Variants in ZC3H13 observed in about 807,000 individuals in gnomAD.
ZC3H13 encodes the protein zinc finger CCCH domain-containing protein 13.
Under a neutral mutation model 204.1 loss-of-function variants are expected in ZC3H13, and 64 were observed. The ratio of observed to expected loss-of-function variants is 0.31; its 90% CI spans 0.26 to 0.39. ZC3H13 has a LOEUF of 0.39. Among genes scored for constraint, ZC3H13 ranks in the 10% least tolerant of loss-of-function variants. The pLI, the probability that ZC3H13 is intolerant of heterozygous loss-of-function variation, is 1.00. For missense variants in ZC3H13, 1,833 were observed against 2,082.7 expected, an observed-to-expected ratio of 0.88 and a Z score of 2.33; for synonymous variants, 667 against 693.7, an observed-to-expected ratio of 0.96 and a Z score of 0.60.
At chr13:45,984,514 G>GT (rs1039662966) in intron 10 of ZC3H13, among the ~76,000 whole-genome samples, 8 of 152,146 alleles carry the variant, frequency 5.3e-5, no homozygotes, top group South Asian at 4.1e-4. Flanking sequence ...AAATCCAACA[G>GT]TTTTTTTATG....
At chr13:45,986,846 G>T (rs76202458) in intron 9 of ZC3H13, among the ~76,000 whole-genome samples, 57 of 152,224 alleles carry the variant, frequency 3.7e-4, no homozygotes, top group African/African-American at 1.3e-3. Flanking sequence ...TAGGCCCACA[G>T]ACTTTCTCAT....
intron 10 of ZC3H13, among the ~76,000 whole-genome samples, chr13:45,980,647 T>C (rs1203179627): frequency 6.6e-6 from 1 of 152,174 alleles, no homozygotes; most frequent in Non-Finnish European, 1.5e-5. Flanking sequence ...GAAAAAATTA[T>C]GCTGAGTGAA....
At chr13:46,049,055 G>A (rs1187337036) in intron 1 of ZC3H13, among the ~76,000 whole-genome samples, 1 of 151,886 alleles carries the variant, frequency 6.6e-6, no homozygotes, top group Non-Finnish European at 1.5e-5. Context: ...GGGAAGCTGA[G>A]GCAGGAGAAT....
At chr13:46,012,728 T>C (rs1190375423) in intron 5 of ZC3H13, among the ~76,000 whole-genome samples, 1 of 152,164 alleles carries the variant, frequency 6.6e-6, no homozygotes, top group Non-Finnish European at 1.5e-5. Context: ...TACTAAATAT[T>C]TAATTAAGGG....
Position 46,014,438 on chromosome 13 carries a change from A to G in ZC3H13, c.449-2884T>C, listed in dbSNP as rs1414768399. 2.0e-5 allele frequency among the ~76,000 whole-genome samples: 3 copies of G among 152,216 alleles called. No homozygotes were observed. The East Asian group carries it at 5.8e-4, about 29-fold the overall frequency. The stretch of plus-strand genomic sequence containing the variant: ...ACTTCCAGTAATTTATTGTATAAAA[A>G]TAATCATAGATATATAAAAGGTTTA... On this transcript the variant is annotated intron_variant, in intron 5 of 18. Transcript: ENST00000679008.
chr13:45,988,495 G>A (rs997254693), intron 9 of ZC3H13, among the ~76,000 whole-genome samples: 1 of 152,140 alleles, frequency 6.6e-6, no homozygotes, highest in South Asian at 2.1e-4. Flanking sequence ...CTGACCGCAT[G>A]ATCCTCCCAC....
At chr13:45,967,336 T>G (rs971481819) in intron 15 of ZC3H13, among the ~76,000 whole-genome samples, 168 bp downstream of exon 15, 3 of 152,196 alleles carry the variant, frequency 2.0e-5, no homozygotes, top group Non-Finnish European at 4.4e-5. Context: ...AATATATATA[T>G]CTCTATCTTA....
chr13:46,014,952 T>C (rs1306432834), intron 5 of ZC3H13, among the ~76,000 whole-genome samples: 2 of 152,192 alleles, frequency 1.3e-5, no homozygotes, highest in Non-Finnish European at 2.9e-5. Flanking sequence ...TAAAAGAGTT[T>C]CCTTCTTAAA....
At chr13:45,981,498 C>A (rs1245669467) in intron 10 of ZC3H13, among the ~76,000 whole-genome samples, 1 of 151,892 alleles carries the variant, frequency 6.6e-6, no homozygotes, top group African/African-American at 2.4e-5. Flanking sequence ...GGGTATATAC[C>A]CAGTAATGGG....
rs754261517 is a variant in ZC3H13 at position 45,975,304 on chromosome 13, C to G, written c.2447G>C (p.Gly816Ala). 20 of 1,611,748 alleles carry G rather than the reference C, an allele frequency of 1.2e-5. No individual in the cohort carries two copies. The highest frequency in any genetic ancestry group is 1.6e-5 in the Non-Finnish European group (19 of 1,178,268). The change falls in exon 12 of 19, where the codon GGA becomes GCA. Residue 816 changes from glycine (G) to alanine (A), a missense_variant. Transcript: ENST00000679008. ...TTACTTTGATTTTCTTTCATCATGT[C>G]CATCTCTTGGATTCCTATCTTCTCG... The part of the protein sequence containing the change: ...EIREDRNPRD[G>A]HDERKSKKRY...
At chr13:45,974,482 A>G (rs986399777) in intron 12 of ZC3H13, among the ~76,000 whole-genome samples, 1 of 152,202 alleles carries the variant, frequency 6.6e-6, no homozygotes, top group African/African-American at 2.4e-5. Context: ...AACTTCCTAG[A>G]TATTTGAGCA....
chr13:45,969,732 T>C lies in ZC3H13; in HGVS notation c.2812A>G (p.Ile938Val), dbSNP rs1260983317. The change falls in exon 14 of 19, where the codon ATA becomes GTA. Residue 938 changes from isoleucine (I) to valine (V), a missense_variant. By Grantham distance (29) the Ile-to-Val change is conservative (BLOSUM62 3). Around this residue, in one of 5 missense-constraint regions of ZC3H13, gnomAD observed 1,574 missense variants for 1,757.2 expected, o/e 0.90. Coordinates refer to ENST00000679008, the MANE Select transcript of ZC3H13 (RefSeq NM_001330564.2). ...CGATCTTCAGACTGGTGGTGTCCTA[T>C]AATGTCCTGTGCACGCATTCTTGAG... ...ESSRMRAQDIIGHHQSEDRET... is the reference protein window; with the variant it reads ...ESSRMRAQDIVGHHQSEDRET... The C allele has an allele frequency of 3.1e-6, 5 of 1,613,790 alleles. No homozygotes were observed. The East Asian group carries it at 6.7e-5, about 22-fold the overall frequency.
intron 7 of ZC3H13, chr13:46,010,074 A>T (rs1310999330): frequency 4.4e-6 from 1 of 227,864 alleles, no homozygotes; most frequent in Non-Finnish European, 8.5e-6. Flanking sequence ...TATCATAAAC[A>T]CCAGATTTAA....
intron 8 of ZC3H13, among the ~76,000 whole-genome samples, chr13:45,997,287 ATTT>A (rs2040410321): frequency 6.6e-6 from 1 of 152,226 alleles, no homozygotes; most frequent in East Asian, 1.9e-4. Flanking sequence ...GGAAGAGTAC[ATTT>A]TTAACAAACT....
intron 4 of ZC3H13, among the ~76,000 whole-genome samples, chr13:46,023,050 T>C (rs1395809376): frequency 2.6e-5 from 4 of 152,190 alleles, no homozygotes; most frequent in African/African-American, 9.6e-5. Flanking sequence ...TCATTAATTT[T>C]AGATAAAAAG....
chr13:45,995,262 A>G (rs577439833), intron 8 of ZC3H13, among the ~76,000 whole-genome samples: 3 of 152,302 alleles, frequency 2.0e-5, no homozygotes, highest in East Asian at 3.9e-4. Context: ...CAAGTCTCCA[A>G]TTTTGCAAAG....
chr13:45,996,575 G>C (rs1422986580), intron 8 of ZC3H13, among the ~76,000 whole-genome samples: 2 of 152,052 alleles, frequency 1.3e-5, no homozygotes, highest in African/African-American at 4.8e-5. Context: ...CCACTCTACC[G>C]CAACCACTAT....
intron 17 of ZC3H13, chr13:45,963,115 C>T: frequency 3.1e-6 from 3 of 963,630 alleles, no homozygotes; most frequent in Non-Finnish European, 3.7e-6. Context: ...TCCTAATTAC[C>T]ATAGGAAGTT....
intron 8 of ZC3H13, 130 bp downstream of exon 8, chr13:46,003,009 A>T: frequency 2.8e-6 from 2 of 711,442 alleles, no homozygotes; most frequent in Non-Finnish European, 4.4e-6. Context: ...GGGAATTATT[A>T]AAATAAATAT....
Sources: allele counts gnomAD v4.1 joint callset (sites outside exome capture counted in the v4.1 genomes callset), GRCh38; gene constraint gnomAD v4.1.1; regional missense constraint gnomAD v4.1.1; transcripts MANE v1.5; gene names NCBI Gene and HGNC (gene_info 2026-07-23, HGNC 2026-07-21).